RFXAP: variants seen among roughly 807,000 people sequenced by gnomAD.
RFXAP encodes regulatory factor X associated protein, also known as regulatory factor X-associated protein.
A neutral mutation model predicts 25.7 loss-of-function variants in RFXAP; 21 were observed. The observed-to-expected ratio is 0.82, with a 90% confidence interval of 0.58 to 1.18. The LOEUF (loss-of-function observed/expected upper bound fraction) is 1.18, where lower values mean the gene tolerates loss of function less well. Ranked by LOEUF, RFXAP falls within the 50% of genes most tolerant of loss-of-function variation. The pLI, the probability that RFXAP is intolerant of heterozygous loss-of-function variation, is 0.00. For missense variants in RFXAP, 333 were observed against 363.0 expected (o/e 0.92, Z 0.67); for synonymous variants, 161 against 152.2 (o/e 1.06, Z -0.43).
At chr13:36,821,640 T>C (rs2057963232) in intron 1 of RFXAP, among the ~76,000 whole-genome samples, 1 of 152,162 alleles carries the variant, frequency 6.6e-6, no homozygotes, top group Non-Finnish European at 1.5e-5. Context: ...CCAGCCTGGG[T>C]GACAGAGCAA....
intron 2 of RFXAP, among the ~76,000 whole-genome samples, chr13:36,826,015 A>G (rs1230651349): frequency 6.6e-6 from 1 of 152,112 alleles, no homozygotes; most frequent in Non-Finnish European, 1.5e-5. Context: ...CTACAAAAAA[A>G]TTTAAAAATT....
At chr13:36,826,799 C>T (rs985477635) in intron 2 of RFXAP, among the ~76,000 whole-genome samples, 2 of 152,024 alleles carry the variant, frequency 1.3e-5, no homozygotes, top group African/African-American at 4.8e-5. Flanking sequence ...TCACTTTATT[C>T]AGTTTATCTT....
intron 2 of RFXAP, among the ~76,000 whole-genome samples, 177 bp downstream of exon 2, chr13:36,825,712 A>AT (rs1167937552): frequency 2.0e-5 from 3 of 152,178 alleles, no homozygotes; most frequent in South Asian, 2.1e-4. Flanking sequence ...ATGTAATGAG[A>AT]TTTTTTTTAG....
At chr13:36,821,348 C>A (rs1376091998) in intron 1 of RFXAP, among the ~76,000 whole-genome samples, 1 of 151,800 alleles carries the variant, frequency 6.6e-6, no homozygotes, top group Non-Finnish European at 1.5e-5. Context: ...AAATATTAGA[C>A]CTTGTAATTG....
rs1172888518 is a variant in RFXAP, at chr13:36,819,445, C to T, written c.88C>T (p.Pro30Ser). ...HPAALAPAAA[P>S]TLAPASVAAA... ...CGCGGCCCTAGCCCCGGCTGCGGCT[C>T]CCACCTTGGCGCCAGCCTCGGTGGC... Residue 30 changes from proline to serine, a missense_variant, in exon 1 of 3, where the codon CCC (proline) becomes TCC (serine). By Grantham distance (74) the Pro-to-Ser change is moderately conservative. Coordinates refer to ENST00000255476, the MANE Select transcript of RFXAP (RefSeq NM_000538.4). The T allele has an allele frequency of 9.4e-6, 14 of 1,488,922 alleles. No individual in the cohort carries two copies. In the East Asian group the frequency reaches 3.5e-4, roughly 38 times the overall value. The allele number at this position is 1,488,922 out of a possible 1,614,324, so 92.2% of individuals were successfully genotyped here.
chr13:36,819,954 CGAGGTATCA>C lies in RFXAP; in HGVS notation c.600_600+8del. 6.2e-7 allele frequency: 1 copy of C among 1,613,686 alleles called. No homozygotes were observed. The highest frequency in any genetic ancestry group is 8.5e-7 in the Non-Finnish European group (1 of 1,179,874). ...CTGGCAGCGCGGGAAACGTCAAACT[CGAGGTATCA>C]GACTTAGCTGAGGCCTGGGGATGGG... On this transcript the variant is annotated splice_donor_variant and splice_donor_5th_base_variant and coding_sequence_variant and intron_variant, in exon 1 of 3. Transcript: ENST00000255476. LOFTEE classifies it high-confidence loss of function.
intron 2 of RFXAP, among the ~76,000 whole-genome samples, chr13:36,825,967 A>T (rs979261062): frequency 5.9e-5 from 9 of 152,076 alleles, no homozygotes; most frequent in African/African-American, 2.2e-4. Flanking sequence ...TGAGGCTGGG[A>T]ATTTGAGACC....
In RFXAP at chr13:36,819,823, C is replaced by G; in HGVS notation, c.466C>G (p.Gln156Glu). ...CSETTSQVAK[Q>E]RKPWMCKKHR... ...CGAGACCACGAGCCAGGTGGCCAAG[C>G]AGCGCAAACCGTGGATGTGCAAGAA... Residue 156 changes from glutamine (Q) to glutamate (E), a missense_variant, in exon 1 of 3, where the codon CAG becomes GAG. Physicochemically the swap from Gln to Glu is conservative, Grantham distance 29. Transcript: ENST00000255476. 1 of 1,601,478 alleles carries G rather than the reference C, an allele frequency of 6.2e-7. No individual in the cohort carries two copies. The highest frequency in any genetic ancestry group is 8.5e-7 in the Non-Finnish European group (1 of 1,173,500).
rs1419232328 is a variant in RFXAP, at chr13:36,819,340, C to T, written c.-18C>T. The T allele has an allele frequency of 1.2e-5, 15 of 1,251,578 alleles. No individual in the cohort carries two copies. Among genetic ancestry groups the T allele is most frequent in the Non-Finnish European group, 1.3e-5 (13 of 994,864 alleles). 77.5% of individuals were successfully genotyped at this position (1,251,578 alleles called of 1,614,324 possible). On this transcript the variant is annotated 5_prime_UTR_variant, in exon 1 of 3. Coordinates refer to ENST00000255476, the MANE Select transcript of RFXAP (RefSeq NM_000538.4). ...GCTAAAAGCCCGGGGTCGTGGACCC[C>T]GGCCAGGTCTTAGCAGCATGGAGGC...
intron 2 of RFXAP, 22 bp downstream of exon 2, chr13:36,825,557 A>G (rs1412132110): frequency 6.5e-7 from 1 of 1,528,362 alleles, no homozygotes; most frequent in Non-Finnish European, 9.0e-7. Flanking sequence ...TTTGTAAATC[A>G]GTTATAAATG....
At chr13:36,820,556 G>A (rs2057958707) in intron 1 of RFXAP, among the ~76,000 whole-genome samples, 2 of 152,016 alleles carry the variant, frequency 1.3e-5, no homozygotes, top group Admixed American at 6.6e-5. Flanking sequence ...TTAGTCCCTT[G>A]TTCTCATGTT....
chr13:36,825,149 TCACACTCTATCA>T (rs2057973981), intron 1 of RFXAP, among the ~76,000 whole-genome samples: 1 of 152,158 alleles, frequency 6.6e-6, no homozygotes, highest in Non-Finnish European at 1.5e-5. Context: ...TATTACTATA[TCACACTCTATCA>T]CACACACTAT....
chr13:36,828,302 A>G lies in RFXAP; in HGVS notation c.*549A>G, dbSNP rs914141018. On this transcript the variant is annotated 3_prime_UTR_variant, in exon 3 of 3. Transcript: ENST00000255476. ...GTGCTAACATGTAGTTGGGGCACCT[A>G]TAATTGGGTTCTCTTAATAACCTTT... is the stretch of plus-strand genomic sequence containing the variant. 2.6e-5 allele frequency: 4 copies of G among 153,682 alleles called. No homozygotes were observed. Among genetic ancestry groups the G allele is most frequent in the Non-Finnish European group, 4.3e-5 (3 of 69,150 alleles). The allele number at this position is 153,682 out of a possible 1,614,324, so 9.5% of individuals were successfully genotyped here.
At chr13:36,825,104 ACT>A (rs1251880066) in intron 1 of RFXAP, among the ~76,000 whole-genome samples, 1 of 152,142 alleles carries the variant, frequency 6.6e-6, no homozygotes, top group East Asian at 1.9e-4. Flanking sequence ...CTCACAAGTA[ACT>A]CTGCCTCAAT....
At position 36,827,957 on chromosome 13, in the gene RFXAP, G is replaced by A; in HGVS notation, c.*204G>A. On this transcript the variant is annotated 3_prime_UTR_variant, in exon 3 of 3. Transcript: ENST00000255476. ...GATTACTGTGAGTTTGAAGAAGTCA[G>A]CTTATCTTTCCAAATAACATTTAAT... The A allele has an allele frequency of 3.6e-6, 2 of 550,022 alleles. No homozygotes were observed. Among genetic ancestry groups the A allele is most frequent in the Non-Finnish European group, 3.2e-6 (1 of 309,484 alleles). 34.1% of individuals were successfully genotyped at this position (550,022 alleles called of 1,614,324 possible).
intron 1 of RFXAP, among the ~76,000 whole-genome samples, chr13:36,821,265 T>G (rs1381679715): frequency 1.3e-5 from 2 of 150,720 alleles, no homozygotes; most frequent in Non-Finnish European, 1.5e-5. Context: ...GCAAGCTGTC[T>G]TAGGGTCCTA....
intron 1 of RFXAP, among the ~76,000 whole-genome samples, chr13:36,822,773 C>G (rs1022850753): frequency 3.9e-5 from 6 of 152,168 alleles, no homozygotes; most frequent in Non-Finnish European, 8.8e-5. Flanking sequence ...AGTTTACTAT[C>G]CAGTTTGTCT....
chr13:36,827,536 TG>T (rs1482346670), intron 2 of RFXAP, 106 bp from the exon 3 acceptor site: 1 of 800,822 alleles, frequency 1.2e-6, no homozygotes, highest in East Asian at 2.7e-5. Context: ...GGCATATTCT[TG>T]TGAACATATT....
chr13:36,825,579 G>A (rs776132823), intron 2 of RFXAP, 44 bp downstream of exon 2: 74 of 1,386,358 alleles, frequency 5.3e-5, no homozygotes, highest in Middle Eastern at 1.8e-4. Flanking sequence ...GTTAACAAAC[G>A]TTTGTTATAA....
Sources: gnomAD v4.1 joint callset for allele counts (sites outside exome capture counted in the v4.1 genomes callset) on GRCh38, gnomAD v4.1.1 for gene constraint, MANE v1.5 for transcripts, NCBI Gene and HGNC (gene_info 2026-07-23, HGNC 2026-07-21) for gene names.